Variants in CNBD1 observed in about 807,000 individuals in gnomAD.
CNBD1 encodes the protein cyclic nucleotide-binding domain-containing protein 1.
Under a neutral mutation model 54.4 loss-of-function variants are expected in CNBD1, and 71 were observed. The observed-to-expected ratio is 1.30, with a 90% confidence interval of 1.08 to 1.59. The LOEUF is 1.59. Ranked by LOEUF, CNBD1 falls within the 40% of genes most tolerant of loss-of-function variation. The probability of loss-of-function intolerance (pLI) is 0.00; values close to 1 mark genes in which losing one functional copy is unlikely to be tolerated. For synonymous variants in CNBD1, 182 were observed against 170.7 expected, an observed-to-expected ratio of 1.07 and a Z score of -0.51; for missense variants, 659 against 518.0, an observed-to-expected ratio of 1.27 and a Z score of -2.64.
At chr8:87,265,905 T>C (rs1013863255) in intron 6 of CNBD1, among the ~76,000 whole-genome samples, 15 of 152,092 alleles carry the variant, frequency 9.9e-5, no homozygotes, top group African/African-American at 2.9e-4. Context: ...ACATTGTTGA[T>C]TTGGCAATAA....
chr8:86,977,544 A>T, intron 4 of CNBD1, among the ~76,000 whole-genome samples: 1 of 152,154 alleles, frequency 6.6e-6, no homozygotes, highest in East Asian at 1.9e-4. Flanking sequence ...AAGAGGAGAC[A>T]TTACAACTGC....
chr8:87,256,008 TATA>T (rs1443453062), intron 6 of CNBD1, among the ~76,000 whole-genome samples: 354 of 20,658 alleles, frequency 0.017, 4 homozygotes, highest in Non-Finnish European at 0.021. Flanking sequence ...TATATATATA[TATA>T]TATATTTTTT....
At chr8:86,915,934 T>C (rs1357707756) in intron 3 of CNBD1, among the ~76,000 whole-genome samples, 2 of 152,230 alleles carry the variant, frequency 1.3e-5, no homozygotes, top group Non-Finnish European at 1.5e-5. Context: ...TTCTAGTTGA[T>C]GTTACAGATA....
chr8:87,262,006 T>C (rs1294876575), intron 6 of CNBD1, among the ~76,000 whole-genome samples: 2 of 151,352 alleles, frequency 1.3e-5, no homozygotes, highest in East Asian at 3.9e-4. Flanking sequence ...ATACAAAAAT[T>C]AGCCTGACGT....
intron 2 of CNBD1, among the ~76,000 whole-genome samples, chr8:87,427,204 A>ATACTACATTG (rs1563598569): frequency 1.4e-4 from 21 of 152,218 alleles, no homozygotes; most frequent in African/African-American, 5.1e-4. Flanking sequence ...CTGCTACATT[A>ATACTACATTG]TCTTGTATGT....
At chr8:87,372,672 G>A (rs1027038463) in intron 10 of CNBD1, among the ~76,000 whole-genome samples, 4 of 151,652 alleles carry the variant, frequency 2.6e-5, no homozygotes, top group South Asian at 2.1e-4. Flanking sequence ...ACAAATAAGT[G>A]GCCTCTTTTC....
At chr8:87,418,453 A>G (rs1483233475) in intron 2 of CNBD1, among the ~76,000 whole-genome samples, 2 of 151,990 alleles carry the variant, frequency 1.3e-5, no homozygotes, top group South Asian at 2.1e-4. Context: ...GCACTAGGCA[A>G]TGGTTTCCAG....
intron 4 of CNBD1, among the ~76,000 whole-genome samples, chr8:87,134,568 A>T (rs1475193937): frequency 1.3e-5 from 2 of 148,958 alleles, no homozygotes; most frequent in Non-Finnish European, 3.0e-5. Context: ...TTTAAAATTC[A>T]GATTCACCTT....
chr8:87,344,285 G>C (rs752032643), intron 8 of CNBD1, among the ~76,000 whole-genome samples: 1 of 151,862 alleles, frequency 6.6e-6, no homozygotes. Flanking sequence ...ATGAGATTAA[G>C]GGTAAAATAA....
intron 6 of CNBD1, among the ~76,000 whole-genome samples, chr8:87,251,269 A>G (rs1586364283): frequency 6.6e-6 from 1 of 152,156 alleles, no homozygotes; most frequent in East Asian, 1.9e-4. Context: ...CATGACTGTT[A>G]GTAATACAAC....
intron 8 of CNBD1, among the ~76,000 whole-genome samples, chr8:87,326,336 T>C (rs1471922735): frequency 2.4e-5 from 3 of 125,042 alleles, no homozygotes; most frequent in African/African-American, 8.8e-5. Context: ...ATTTCCTGAA[T>C]CTGAACGTTG....
rs188601789 is a variant in CNBD1 at position 87,260,856 on chromosome 8, A to G, written c.771+23744A>G. The stretch of plus-strand genomic sequence containing the variant: ...CTCCTAGGCCTAATGTATAAGCCAG[A>G]AGGAACTCAGTTTTCCAAAAATTGA... On this transcript the variant is annotated intron_variant, in intron 6 of 10. Transcript: ENST00000518476. 3.4e-3 allele frequency among the ~76,000 whole-genome samples: 519 copies of G among 152,246 alleles called. 19 individuals are homozygous for G. The highest frequency in any genetic ancestry group is 0.032 in the Admixed American group (486 of 15,278).
chr8:86,983,833 A>G (rs1808543848), intron 4 of CNBD1, among the ~76,000 whole-genome samples: 1 of 152,198 alleles, frequency 6.6e-6, no homozygotes, highest in African/African-American at 2.4e-5. Flanking sequence ...AGAAGAGTAT[A>G]AAAGTTTGAA....
downstream of CNBD1, among the ~76,000 whole-genome samples, chr8:87,385,745 T>G (rs1057208812): frequency 6.6e-6 from 1 of 152,184 alleles, no homozygotes; most frequent in South Asian, 2.1e-4. Flanking sequence ...TAAATGTCCC[T>G]GTCTGACAGC....
chr8:87,357,394 C>A (rs1472495651), intron 10 of CNBD1, among the ~76,000 whole-genome samples: 2 of 152,194 alleles, frequency 1.3e-5, no homozygotes, highest in Non-Finnish European at 2.9e-5. Flanking sequence ...AGCAAAGCTG[C>A]AAGGGTGGAG....
chr8:86,914,928 G>T (rs1001585490), intron 3 of CNBD1, among the ~76,000 whole-genome samples: 2 of 152,130 alleles, frequency 1.3e-5, no homozygotes, highest in African/African-American at 4.8e-5. Context: ...AATTATAACC[G>T]CCCAATGGGT....
intron 5 of CNBD1, among the ~76,000 whole-genome samples, chr8:87,211,994 CCT>C (rs1276915332): frequency 2.0e-5 from 3 of 151,644 alleles, no homozygotes; most frequent in African/African-American, 7.3e-5. Context: ...AAAGAAAATC[CCT>C]GACCCACATG....
chr8:87,349,522 C>T (rs62526807), intron 8 of CNBD1, among the ~76,000 whole-genome samples: 6,656 of 152,128 alleles, frequency 0.044, 189 homozygotes, highest in Non-Finnish European at 0.06. Flanking sequence ...ATTACAGGTG[C>T]GCGCCACCAG....
chr8:87,023,425 G>A (rs989110406), intron 4 of CNBD1, among the ~76,000 whole-genome samples: 1 of 151,766 alleles, frequency 6.6e-6, no homozygotes, highest in Non-Finnish European at 1.5e-5. Flanking sequence ...TGAGGCTTTT[G>A]GAATCTGAAA....
Sources: gnomAD v4.1 joint callset for allele counts (sites outside exome capture counted in the v4.1 genomes callset) on GRCh38, gnomAD v4.1.1 for gene constraint, MANE v1.5 for transcripts, NCBI Gene and HGNC (gene_info 2026-07-23, HGNC 2026-07-21) for gene names.